The following MAGI2 variants were observed in gnomAD, a reference collection of about 807,000 sequenced individuals.
The protein encoded by MAGI2 is membrane-associated guanylate kinase, WW and PDZ domain-containing protein 2.
In MAGI2, 35 loss-of-function variants were observed where a neutral mutation model predicts 133.3. That is an observed-to-expected ratio of 0.26 (90% confidence interval 0.20 to 0.35). The LOEUF is 0.35. Ranked by LOEUF, MAGI2 falls within the 10% of genes least tolerant of loss-of-function variation. The probability of loss-of-function intolerance (pLI) is 1.00; values close to 1 mark genes in which losing one functional copy is unlikely to be tolerated. For synonymous variants in MAGI2, 729 were observed against 710.6 expected, an observed-to-expected ratio of 1.03 and a Z score of -0.41; for missense variants, 1,636 against 1,863.4, an observed-to-expected ratio of 0.88 and a Z score of 2.25.
chr7:79,444,869 C>A (rs1365204825), intron 1 of MAGI2, among the ~76,000 whole-genome samples: 1 of 152,226 alleles, frequency 6.6e-6, no homozygotes, highest in Admixed American at 6.5e-5. Flanking sequence ...CAATCCTAAG[C>A]CAAAAGAACA....
At chr7:78,951,021 G>A (rs1482922202) in intron 2 of MAGI2, among the ~76,000 whole-genome samples, 1 of 149,810 alleles carries the variant, frequency 6.7e-6, no homozygotes, top group Admixed American at 6.7e-5. Context: ...ACCCAAGCGG[G>A]AGTGCAGTGG....
At chr7:79,163,711 A>G (rs567198189) in intron 1 of MAGI2, among the ~76,000 whole-genome samples, 3 of 152,164 alleles carry the variant, frequency 2.0e-5, no homozygotes, top group African/African-American at 7.2e-5. Context: ...GCAAGCAGGG[A>G]TTATTTTTTG....
chr7:78,575,158 CT>C (rs199881601), intron 3 of MAGI2, among the ~76,000 whole-genome samples: 23 of 148,652 alleles, frequency 1.5e-4, no homozygotes, highest in African/African-American at 5.1e-4. Flanking sequence ...CAAACAAACA[CT>C]TTAAAAAAAA....
At chr7:78,978,916 C>T (rs562145885) in intron 2 of MAGI2, among the ~76,000 whole-genome samples, 94 of 151,768 alleles carry the variant, frequency 6.2e-4, no homozygotes, top group African/African-American at 2.1e-3. Flanking sequence ...ATACAGGAAC[C>T]GAACAACTGA....
At chr7:78,745,777 A>G (rs1172535907) in intron 2 of MAGI2, among the ~76,000 whole-genome samples, 1 of 152,194 alleles carries the variant, frequency 6.6e-6, no homozygotes, top group Non-Finnish European at 1.5e-5. Flanking sequence ...AGTGAATACA[A>G]CATTACTGGG....
chr7:78,214,861 A>T (rs928997193), intron 10 of MAGI2, among the ~76,000 whole-genome samples: 4 of 152,218 alleles, frequency 2.6e-5, no homozygotes, highest in African/African-American at 9.6e-5. Flanking sequence ...TCTTGGTGCA[A>T]CTGACTTCTC....
At chr7:78,572,495 T>C (rs1801604519) in intron 3 of MAGI2, among the ~76,000 whole-genome samples, 2 of 151,990 alleles carry the variant, frequency 1.3e-5, no homozygotes, top group African/African-American at 2.4e-5. Flanking sequence ...TTCAGAACTT[T>C]CCCTCCCTGA....
chr7:78,345,817 A>C (rs1790846283), intron 8 of MAGI2, 105 bp downstream of exon 8: 13 of 1,497,736 alleles, frequency 8.7e-6, no homozygotes, highest in Non-Finnish European at 1.2e-5. Flanking sequence ...TGGAGAAAGC[A>C]AATCAATTTT....
chr7:79,167,397 CAAAAA>C (rs10542271), intron 1 of MAGI2, among the ~76,000 whole-genome samples: 53 of 84,738 alleles, frequency 6.3e-4, no homozygotes, highest in African/African-American at 2.1e-3. Flanking sequence ...CCAAAAATGG[CAAAAA>C]AAAAAAAAAA....
chr7:78,728,597 G>T lies in MAGI2; in HGVS notation c.419-101358C>A, dbSNP rs1311429487. Reference sequence around the variant, plus strand: ...TTTTTTTTTTTTGAGACGGAGTCTCGCTCTGTCGCCCAGGCTGGAGTGCAG... The same window carrying T: ...TTTTTTTTTTTTGAGACGGAGTCTCTCTCTGTCGCCCAGGCTGGAGTGCAG... On this transcript the variant is annotated intron_variant, in intron 2 of 21. Transcript: ENST00000354212. Among the ~76,000 whole-genome samples the T allele has an allele frequency of 3.9e-5, 3 of 76,948 alleles. 1 individual carries two copies. Among genetic ancestry groups the T allele is most frequent in the Admixed American group, 4.0e-4 (2 of 4,944 alleles). 50.5% of individuals were successfully genotyped at this position (76,948 alleles called of 152,430 possible). A position where few individuals can be genotyped will look rare whatever the true frequency, so the allele number is the denominator to read the frequency against.
chr7:78,839,780 C>A (rs371292917), intron 2 of MAGI2, among the ~76,000 whole-genome samples: 11 of 152,166 alleles, frequency 7.2e-5, no homozygotes, highest in African/African-American at 1.9e-4. Context: ...TCATGTTATA[C>A]TACAGTTTAT....
intron 2 of MAGI2, among the ~76,000 whole-genome samples, chr7:78,682,373 T>A (rs1356911593): frequency 9.9e-5 from 15 of 152,134 alleles, no homozygotes; most frequent in Middle Eastern, 3.4e-3. Context: ...TCACTCCCCT[T>A]GCCCCCCACC....
intron 2 of MAGI2, among the ~76,000 whole-genome samples, chr7:78,839,777 A>G (rs1290817848): frequency 6.6e-6 from 1 of 152,126 alleles, no homozygotes; most frequent in Non-Finnish European, 1.5e-5. Flanking sequence ...ATATCATGTT[A>G]TACTACAGTT....
At chr7:79,026,476 G>T (rs1403059573) in intron 1 of MAGI2, among the ~76,000 whole-genome samples, 1 of 152,152 alleles carries the variant, frequency 6.6e-6, no homozygotes, top group African/African-American at 2.4e-5. Flanking sequence ...ACATGGATTG[G>T]GGGGAAATAT....
At chr7:78,914,532 A>G (rs995314841) in intron 2 of MAGI2, among the ~76,000 whole-genome samples, 2 of 152,102 alleles carry the variant, frequency 1.3e-5, no homozygotes, top group Non-Finnish European at 2.9e-5. Context: ...GTAACTAACA[A>G]TGGTTTTTCA....
At chr7:79,284,057 G>C (rs970561951) in intron 1 of MAGI2, among the ~76,000 whole-genome samples, 1 of 152,040 alleles carries the variant, frequency 6.6e-6, no homozygotes, top group African/African-American at 2.4e-5. Flanking sequence ...GTGTGTAGTA[G>C]GTTGTATGAT....
intron 1 of MAGI2, among the ~76,000 whole-genome samples, chr7:79,303,685 T>A (rs1290695108): frequency 1.3e-5 from 2 of 152,194 alleles, no homozygotes; most frequent in Non-Finnish European, 2.9e-5. Context: ...ACTCTGACAA[T>A]GTTTACCATA....
intron 1 of MAGI2, among the ~76,000 whole-genome samples, chr7:79,254,295 T>C (rs564209442): frequency 4.7e-5 from 5 of 105,520 alleles, no homozygotes; most frequent in South Asian, 6.0e-4. Flanking sequence ...GCTTTAGAAG[T>C]ATCTTCCCCA....
intron 2 of MAGI2, among the ~76,000 whole-genome samples, chr7:79,003,022 C>T (rs1252780156): frequency 6.6e-6 from 1 of 151,518 alleles, no homozygotes; most frequent in Non-Finnish European, 1.5e-5. Flanking sequence ...GATTGATGGG[C>T]TTTTTGTATT....
Sources: gnomAD v4.1 joint callset for allele counts (sites outside exome capture counted in the v4.1 genomes callset) on GRCh38, gnomAD v4.1.1 for gene constraint, MANE v1.5 for transcripts, NCBI Gene and HGNC (gene_info 2026-07-23, HGNC 2026-07-21) for gene names.